Variants in ANK1 observed in about 807,000 individuals in gnomAD.
ANK1 encodes the protein ankyrin-1.
Under a neutral mutation model 210.4 loss-of-function variants are expected in ANK1, and 51 were observed. The observed-to-expected ratio is 0.24, with a 90% CI of 0.19 to 0.31. The LOEUF is 0.31. Ranked by LOEUF, ANK1 falls within the 10% of genes least tolerant of loss-of-function variation. ANK1 has a pLI of 1.00. For missense variants in ANK1, 2,051 were observed against 2,504.4 expected, an observed-to-expected ratio of 0.82 and a Z score of 3.86; for synonymous variants, 967 against 1,025.9, an observed-to-expected ratio of 0.94 and a Z score of 1.10.
At chr8:41,790,196 G>C (rs1488654958) in intron 1 of ANK1, among the ~76,000 whole-genome samples, 2 of 151,482 alleles carry the variant, frequency 1.3e-5, no homozygotes, top group African/African-American at 4.9e-5. Context: ...GCCCAGGCTG[G>C]AGTGCAATGG....
chr8:41,786,209 C>T (rs1846352267), intron 1 of ANK1, among the ~76,000 whole-genome samples: 1 of 152,132 alleles, frequency 6.6e-6, no homozygotes, highest in Admixed American at 6.5e-5. Context: ...AGGAGGAGCT[C>T]GCGTCTTGCC....
Position 41,702,102 on chromosome 8 carries a change from T to C in ANK1, c.2338A>G (p.Ile780Val), listed in dbSNP as rs369132742. 6 of 1,613,964 alleles carry C rather than the reference T, an allele frequency of 3.7e-6. No homozygotes were observed. The highest frequency in any genetic ancestry group is 2.2e-5 in the South Asian group (2 of 91,082). The change falls in exon 21 of 43, where the codon ATT (isoleucine) becomes GTT (valine). Residue 780 changes from isoleucine to valine, a missense_variant. By Grantham distance (29) the Ile-to-Val change is conservative. Coordinates refer to ENST00000289734, the MANE Select transcript of ANK1 (RefSeq NM_000037.4). ...ACCTTGAGCACGTCGGTGACAGAAA[T>C]GTAGCCCAAGCGCTTGGCTATGGCC... ...PLAIAKRLGY[I>V]SVTDVLKVVT... is the part of the protein sequence containing the mutation.
chr8:41,877,319 C>T (rs890096646), intron 1 of ANK1, among the ~76,000 whole-genome samples: 1 of 152,368 alleles, frequency 6.6e-6, no homozygotes, highest in African/African-American at 2.4e-5. Context: ...GGAGCAGGCT[C>T]ATGGTGGCCA....
At chr8:41,810,849 G>A (rs750481620) in intron 1 of ANK1, among the ~76,000 whole-genome samples, 1 of 151,930 alleles carries the variant, frequency 6.6e-6, no homozygotes, top group Admixed American at 6.5e-5. Context: ...GGTGTTTTAA[G>A]GGTACTTTGG....
chr8:41,758,622 A>C (rs1392971633), intron 1 of ANK1, among the ~76,000 whole-genome samples: 1 of 152,012 alleles, frequency 6.6e-6, no homozygotes, highest in Admixed American at 6.6e-5. Flanking sequence ...GATTACAGGC[A>C]TGAGCCACCG....
chr8:41,894,834 A>C (rs946735403), intron 1 of ANK1, among the ~76,000 whole-genome samples: 5 of 151,992 alleles, frequency 3.3e-5, no homozygotes, highest in Admixed American at 2.0e-4. Flanking sequence ...AGACCCCAGC[A>C]GAGGGACCTG....
chr8:41,688,332 G>T (rs1310973419), intron 34 of ANK1, 102 bp from the exon 35 acceptor site: 2 of 1,455,832 alleles, frequency 1.4e-6, no homozygotes, highest in East Asian at 4.5e-5. Context: ...GTGCACTGGG[G>T]TGATTGTCTA....
intron 1 of ANK1, among the ~76,000 whole-genome samples, chr8:41,873,862 G>GT (rs1360858636): frequency 6.6e-6 from 1 of 152,152 alleles, no homozygotes; most frequent in Non-Finnish European, 1.5e-5. Context: ...TGCCTTATAC[G>GT]TTGAACCAAG....
chr8:41,665,103 G>T, intron 39 of ANK1: 1 of 1,574,176 alleles, frequency 6.4e-7, no homozygotes, highest in East Asian at 2.3e-5. Context: ...TTCTCCACTG[G>T]GACTCCTGAG....
At position 41,835,366 on chromosome 8, in the gene ANK1, C is replaced by T. The variant is rs567306805; in HGVS notation, c.126+60989G>A. 3.3e-5 allele frequency among the ~76,000 whole-genome samples: 5 copies of T among 152,222 alleles called. No individual in the cohort carries two copies. In the East Asian group the frequency reaches 5.8e-4, roughly 18 times the overall value. On this transcript the variant is annotated intron_variant, in intron 1 of 42. Coordinates refer to the ANK1 transcript ENST00000265709. Reference sequence around the variant, plus strand: ...CCTCCAGAGGCTGATGCAGGAGAATCGCTTGAACCCGGGAGGTGGAGGTAG... The same window carrying T: ...CCTCCAGAGGCTGATGCAGGAGAATTGCTTGAACCCGGGAGGTGGAGGTAG...
At chr8:41,719,452 G>A (rs973218455) in intron 10 of ANK1, among the ~76,000 whole-genome samples, 15 of 152,262 alleles carry the variant, frequency 9.9e-5, no homozygotes, top group African/African-American at 2.9e-4. Flanking sequence ...GGCAGGGGTC[G>A]ATACCCAGGT....
At chr8:41,791,054 C>T (rs1377025244) in intron 1 of ANK1, among the ~76,000 whole-genome samples, 2 of 152,152 alleles carry the variant, frequency 1.3e-5, no homozygotes, top group South Asian at 4.1e-4. Flanking sequence ...GCACAAGCCG[C>T]TAATAGGTTT....
chr8:41,760,859 C>T (rs1370212685), intron 1 of ANK1, among the ~76,000 whole-genome samples: 1 of 152,122 alleles, frequency 6.6e-6, no homozygotes. Context: ...ACAGTGGCTT[C>T]CTCTCCACCC....
intron 16 of ANK1, among the ~76,000 whole-genome samples, chr8:41,712,305 C>T (rs1391506623): frequency 1.3e-5 from 2 of 152,148 alleles, no homozygotes; most frequent in African/African-American, 4.8e-5. Context: ...CTCAGGAATC[C>T]CAGGCCACCT....
chr8:41,697,451 T>C (rs1224311546), intron 24 of ANK1, among the ~76,000 whole-genome samples: 1 of 151,994 alleles, frequency 6.6e-6, no homozygotes, highest in Non-Finnish European at 1.5e-5. Flanking sequence ...TCTAATCCTC[T>C]CCACTCCCCA....
intron 1 of ANK1, among the ~76,000 whole-genome samples, chr8:41,890,036 C>G (rs913402606): frequency 6.6e-6 from 1 of 152,196 alleles, no homozygotes; most frequent in East Asian, 1.9e-4. Flanking sequence ...CGGCAAACCT[C>G]AAGACTTCAC....
At chr8:41,810,756 G>C (rs1470220650) in intron 1 of ANK1, among the ~76,000 whole-genome samples, 2 of 152,230 alleles carry the variant, frequency 1.3e-5, no homozygotes, top group African/African-American at 4.8e-5. Flanking sequence ...CCCAAAGTAA[G>C]GGCCTCATGA....
chr8:41,778,654 T>C (rs1844625895), intron 1 of ANK1, among the ~76,000 whole-genome samples: 1 of 152,212 alleles, frequency 6.6e-6, no homozygotes, highest in Admixed American at 6.5e-5. Flanking sequence ...TAGGAAGCTG[T>C]GTGAATGTTA....
At chr8:41,801,307 A>T (rs1240708665), upstream of ANK1, among the ~76,000 whole-genome samples, 1 of 152,322 alleles carries the variant, frequency 6.6e-6, no homozygotes, top group East Asian at 1.9e-4. Context: ...ACTTTTTCCT[A>T]TTAAAACATT....
Sources: gnomAD v4.1 joint callset for allele counts (sites outside exome capture counted in the v4.1 genomes callset) on GRCh38, gnomAD v4.1.1 for gene constraint, MANE v1.5 for transcripts, NCBI Gene and HGNC (gene_info 2026-07-23, HGNC 2026-07-21) for gene names.